Variants in RUVBL1 observed in about 807,000 individuals in gnomAD.
The protein encoded by RUVBL1 is RuvB like AAA ATPase 1.
Under a neutral mutation model 52.4 loss-of-function variants are expected in RUVBL1, and 4 were observed. The ratio of observed to expected loss-of-function variants is 0.08; its 90% confidence interval spans 0.04 to 0.17. The LOEUF (loss-of-function observed/expected upper bound fraction) is 0.17. Among genes scored for constraint, RUVBL1 ranks in the 10% least tolerant of loss-of-function variants. RUVBL1 has a pLI of 1.00. For missense variants in RUVBL1, 298 were observed against 572.8 expected (o/e 0.52, Z 4.90); for synonymous variants, 217 against 214.4 (o/e 1.01, Z -0.10).
At chr3:128,112,846 G>A (rs775361816) in intron 3 of RUVBL1, 42 bp downstream of exon 3, 2 of 1,604,378 alleles carry the variant, frequency 1.2e-6, no homozygotes, top group South Asian at 1.1e-5. Context: ...ACAGGCTTCA[G>A]GAAGTGAGAC....
exon 1 of RUVBL1, chr3:128,153,759 A>G (rs11719546): frequency 0.12 from 189,067 of 1,543,182 alleles, 12,740 homozygotes; most frequent in African/African-American, 0.23. Flanking sequence ...CCGGCGAGCC[A>G]CTGCTTCAGG....
chr3:128,104,815 C>A lies in RUVBL1; in HGVS notation c.471G>T (p.Val157=), dbSNP rs776607452. The change falls in exon 4 of 11, where the codon GTG becomes GTT. Residue 157 remains valine (V), a synonymous_variant. Transcript: ENST00000322623. ...MGGYGKTISH[V]IIGLKTAKGT... ...CTTTGGCTGTTTTGAGTCCTATGAT[C>A]ACATGGCTAATGGTTTTGCCATATC... 1.2e-6 allele frequency: 2 copies of A among 1,613,176 alleles called. No individual in the cohort carries two copies. Among genetic ancestry groups the A allele is most frequent in the Non-Finnish European group, 8.5e-7 (1 of 1,179,174 alleles).
At chr3:128,148,453 A>C (rs1944136501) in intron 1 of RUVBL1, among the ~76,000 whole-genome samples, 1 of 152,190 alleles carries the variant, frequency 6.6e-6, no homozygotes, top group Non-Finnish European at 1.5e-5. Flanking sequence ...AGTGGAGTGG[A>C]GGGTAAAACC....
intron 8 of RUVBL1, among the ~76,000 whole-genome samples, chr3:128,089,329 G>T (rs1358926791): frequency 6.6e-6 from 1 of 152,244 alleles, no homozygotes; most frequent in Non-Finnish European, 1.5e-5. Context: ...CCTTCAGCTA[G>T]TGTTTGGAGG....
In RUVBL1 at chr3:128,081,476, A is replaced by G; in HGVS notation, c.1212-67T>C. The G allele has an allele frequency of 6.6e-7, 1 of 1,508,320 alleles. No homozygotes were observed. 93.4% of individuals were successfully genotyped at this position (1,508,320 alleles called of 1,614,324 possible). A position where few individuals can be genotyped will look rare whatever the true frequency, so the allele number is the denominator to read the frequency against. The stretch of plus-strand genomic sequence containing the variant: ...ACCGAAGAAAGCACCTTCCCCCCAC[A>G]TCAGTAGGCAGCACTGGCACCAGGA... On this transcript the variant is annotated intron_variant, in intron 10 of 10. Coordinates refer to ENST00000322623, the MANE Select transcript of RUVBL1 (RefSeq NM_003707.3). The surrounding 1 kb of genome is among the most constrained non-coding windows in gnomAD (Gnocchi z 4.8).
At chr3:128,086,474 C>T (rs980183747) in intron 9 of RUVBL1, among the ~76,000 whole-genome samples, 3 of 152,262 alleles carry the variant, frequency 2.0e-5, no homozygotes, top group Non-Finnish European at 4.4e-5. Context: ...GTCACTGCAG[C>T]CCCAGTCTGC....
intron 2 of RUVBL1, among the ~76,000 whole-genome samples, chr3:128,115,236 A>G (rs1445309223): frequency 6.6e-6 from 1 of 152,248 alleles, no homozygotes; most frequent in African/African-American, 2.4e-5. Flanking sequence ...CAGCAGCACC[A>G]GGATGCAAAC....
intron 8 of RUVBL1, among the ~76,000 whole-genome samples, chr3:128,088,651 G>C (rs564474949): frequency 4.4e-4 from 66 of 151,642 alleles, no homozygotes; most frequent in African/African-American, 1.3e-3. Context: ...GGCCCAGGCT[G>C]GAGTGCAGTG....
In RUVBL1 at chr3:128,067,740, A is replaced by C. The variant is rs1354725178; in HGVS notation, c.940-2520T>G. 6.4e-6 allele frequency: 5 copies of C among 783,296 alleles called. No homozygotes were observed. Among genetic ancestry groups the C allele is most frequent in the Non-Finnish European group, 8.1e-6 (4 of 492,030 alleles). 48.5% of individuals were successfully genotyped at this position (783,296 alleles called of 1,614,324 possible). On this transcript the variant is annotated intron_variant, in intron 9 of 9. Transcript: ENST00000464873. The surrounding 1 kb of genome is among the most constrained non-coding windows in gnomAD (Gnocchi z 4.1). ...GATAGATCGTCGTCCTTTAGGGGGCAGTTCAGAAGCTTTAAGGGCTGACAG... is the reference window on the plus strand; with the variant it reads ...GATAGATCGTCGTCCTTTAGGGGGCCGTTCAGAAGCTTTAAGGGCTGACAG...
rs1942492471 is a variant in RUVBL1, at chr3:128,082,109, A to G, written c.1211+374T>C. 3 of 182,332 alleles carry G rather than the reference A, an allele frequency of 1.6e-5. No homozygotes were observed. Among genetic ancestry groups the G allele is most frequent in the Admixed American group, 1.6e-4 (3 of 18,276 alleles). 11.3% of individuals were successfully genotyped at this position (182,332 alleles called of 1,614,324 possible). ...GTTAAATAAATCAAAAAAGTTAAAGATTTACCAGGCCTCATAACACCACCG... is the reference window on the plus strand; with the variant it reads ...GTTAAATAAATCAAAAAAGTTAAAGGTTTACCAGGCCTCATAACACCACCG... On this transcript the variant is annotated intron_variant, in intron 10 of 10. Transcript: ENST00000322623. This position sits in a 1 kb window ranked among gnomAD's most constrained non-coding sequence, Gnocchi z 4.7.
At chr3:128,091,005 C>T (rs898777066) in intron 8 of RUVBL1, among the ~76,000 whole-genome samples, 5 of 152,218 alleles carry the variant, frequency 3.3e-5, no homozygotes, top group Admixed American at 3.3e-4. Flanking sequence ...GCATTAATAA[C>T]ATTTCTTATA....
exon 10 of RUVBL1, chr3:128,065,125 GC>G: frequency 3.8e-6 from 5 of 1,317,614 alleles, no homozygotes; most frequent in Non-Finnish European, 5.5e-6. Context: ...TCTGTGGGGT[GC>G]ACTGTCATCA....
At chr3:128,126,559 AG>A (rs1479594022), upstream of RUVBL1, among the ~76,000 whole-genome samples, 1 of 151,794 alleles carries the variant, frequency 6.6e-6, no homozygotes, top group Non-Finnish European at 1.5e-5. Flanking sequence ...AAAAAAAAAA[AG>A]GTCATTGATC....
intron 1 of RUVBL1, among the ~76,000 whole-genome samples, chr3:128,134,835 CA>C (rs1401409382): frequency 6.7e-6 from 1 of 150,080 alleles, no homozygotes; most frequent in Non-Finnish European, 1.5e-5. Context: ...AAATAAAATG[CA>C]AAGAGGGGAA....
chr3:128,082,614 T>C lies in RUVBL1; in HGVS notation c.1120-40A>G. On this transcript the variant is annotated intron_variant, in intron 9 of 10. Transcript: ENST00000322623. The surrounding 1 kb of genome is among the most constrained non-coding windows in gnomAD (Gnocchi z 4.7). Reference sequence around the variant, plus strand: ...AAAACATGATCAACGGTGACTGACCTCAAGTGCCCCATTTCTAAAGTGCTT... The same window carrying C: ...AAAACATGATCAACGGTGACTGACCCCAAGTGCCCCATTTCTAAAGTGCTT... The C allele has an allele frequency of 4.1e-6, 6 of 1,472,542 alleles. No homozygotes were observed. Among genetic ancestry groups the C allele is most frequent in the Non-Finnish European group, 5.7e-6 (6 of 1,060,214 alleles). 91.2% of individuals were successfully genotyped at this position (1,472,542 alleles called of 1,614,324 possible). A position where few individuals can be genotyped will look rare whatever the true frequency, so the allele number is the denominator to read the frequency against.
At chr3:128,072,106 C>T (rs962924069) in intron 9 of RUVBL1, among the ~76,000 whole-genome samples, 1 of 152,202 alleles carries the variant, frequency 6.6e-6, no homozygotes, top group Non-Finnish European at 1.5e-5. Context: ...GCCTCAGACC[C>T]GACCTGTAGC....
intron 1 of RUVBL1, among the ~76,000 whole-genome samples, chr3:128,120,893 A>C (rs1016033121): frequency 6.6e-6 from 1 of 151,892 alleles, no homozygotes; most frequent in African/African-American, 2.4e-5. Context: ...AGGCAGAAGA[A>C]TGGCGTGAAC....
chr3:128,072,864 G>A (rs1156612820), intron 9 of RUVBL1, among the ~76,000 whole-genome samples: 4 of 152,186 alleles, frequency 2.6e-5, no homozygotes, highest in Non-Finnish European at 5.9e-5. Flanking sequence ...GCAGGCCCTG[G>A]TGTCTCTCCA....
At chr3:128,105,062 G>A in intron 3 of RUVBL1, 138 bp from the exon 4 acceptor site, 1 of 828,442 alleles carries the variant, frequency 1.2e-6, no homozygotes, top group South Asian at 2.4e-5. Flanking sequence ...TGGGTAAAAA[G>A]GCAATACAAA....
Sources: allele counts gnomAD v4.1 joint callset (sites outside exome capture counted in the v4.1 genomes callset), GRCh38; gene constraint gnomAD v4.1.1; non-coding constraint Gnocchi (gnomAD v3.1); transcripts MANE v1.5; gene names NCBI Gene and HGNC (gene_info 2026-07-23, HGNC 2026-07-21).